Variants in RPH3AL observed in about 807,000 individuals in gnomAD.
The protein encoded by RPH3AL is rab effector Noc2.
Under a neutral mutation model 43.1 loss-of-function variants are expected in RPH3AL, and 38 were observed. The ratio of observed to expected loss-of-function variants is 0.88; its 90% CI spans 0.68 to 1.15. The LOEUF (loss-of-function observed/expected upper bound fraction) is 1.15. Among genes scored for constraint, RPH3AL ranks in the 50% most tolerant of loss-of-function variants. RPH3AL has a pLI of 0.00. For missense variants in RPH3AL, 462 were observed against 423.2 expected (o/e 1.09, Z -0.81); for synonymous variants, 189 against 176.3 (o/e 1.07, Z -0.57).
In RPH3AL at chr17:321,298, G is replaced by A. The variant is rs746470715; in HGVS notation, c.195C>T (p.Leu65=). ...CGATTCTCTGCTGCTCCAGGACGTCGAGCCGCTCTGCCCTCTGGATGACCT... is the reference window on the plus strand; with the variant it reads ...CGATTCTCTGCTGCTCCAGGACGTCAAGCCGCTCTGCCCTCTGGATGACCT... ...ILQVIQRAER[L]DVLEQQRIGR... Residue 65 remains leucine, a synonymous_variant, in exon 4 of 10, where the codon CTC becomes CTT. Transcript: ENST00000331302. 21 of 1,609,682 alleles carry A rather than the reference G, an allele frequency of 1.3e-5. No individual in the cohort carries two copies. The highest frequency in any genetic ancestry group is 9.9e-5 in the South Asian group (9 of 91,060).
At chr17:259,541 G>T (rs2042151913) in intron 6 of RPH3AL, among the ~76,000 whole-genome samples, 1 of 152,132 alleles carries the variant, frequency 6.6e-6, no homozygotes, top group African/African-American at 2.4e-5. Flanking sequence ...AGCCCTCATG[G>T]GAATTAACCC....
In RPH3AL at chr17:229,667, C is replaced by A. The variant is rs911335956; in HGVS notation, c.614-9931G>T. The stretch of plus-strand genomic sequence containing the variant: ...CAAAAAACAGCTGAATGGGGAGGGG[C>A]TGTAGGAGGCTGCTTCCATGGCCAT... On this transcript the variant is annotated intron_variant, in intron 7 of 9. Coordinates refer to ENST00000331302, the MANE Select transcript of RPH3AL (RefSeq NM_006987.4). 1.6e-4 allele frequency among the ~76,000 whole-genome samples: 25 copies of A among 152,188 alleles called. 1 individual carries two copies. Among genetic ancestry groups the A allele is most frequent in the Non-Finnish European group, 2.9e-5 (2 of 68,022 alleles).
At chr17:345,806 G>A (rs1439309298) in intron 1 of RPH3AL, among the ~76,000 whole-genome samples, 1 of 131,682 alleles carries the variant, frequency 7.6e-6, no homozygotes, top group Admixed American at 7.2e-5. Context: ...ACACCCTGCT[G>A]AGGCAAGCGT....
At chr17:231,763 G>A (rs371664966) in intron 7 of RPH3AL, among the ~76,000 whole-genome samples, 8 of 152,370 alleles carry the variant, frequency 5.3e-5, no homozygotes, top group African/African-American at 1.7e-4. Context: ...CAAGGGGCCC[G>A]CAGATGTCAC....
At chr17:309,435 G>A (rs2043579583) in intron 5 of RPH3AL, among the ~76,000 whole-genome samples, 1 of 151,938 alleles carries the variant, frequency 6.6e-6, no homozygotes. Flanking sequence ...CCTGCTGGGG[G>A]TCCGGGATAC....
At chr17:259,766 T>C (rs1271560772) in intron 6 of RPH3AL, among the ~76,000 whole-genome samples, 1 of 152,262 alleles carries the variant, frequency 6.6e-6, no homozygotes, top group Admixed American at 6.5e-5. Context: ...CTGCTCGCCC[T>C]GCTCTGTGCT....
chr17:233,494 A>G (rs12941826), intron 7 of RPH3AL, among the ~76,000 whole-genome samples: 122,644 of 152,064 alleles, frequency 0.81, 49,877 homozygotes, highest in Non-Finnish European at 0.85. Context: ...CACCTCCATG[A>G]TCATGGCAGC....
intron 5 of RPH3AL, among the ~76,000 whole-genome samples, chr17:285,333 A>G (rs2042881764): frequency 6.6e-6 from 1 of 152,144 alleles, no homozygotes; most frequent in Admixed American, 6.6e-5. Flanking sequence ...GCTCCCGGGC[A>G]AGTCACCCAA....
intron 1 of RPH3AL, among the ~76,000 whole-genome samples, chr17:350,231 A>G (rs1230897103): frequency 6.6e-6 from 1 of 152,198 alleles, no homozygotes; most frequent in African/African-American, 2.4e-5. Flanking sequence ...TCACGCCTGT[A>G]ATCCTAGCAC....
chr17:316,059 C>A (rs879092716), intron 5 of RPH3AL, among the ~76,000 whole-genome samples: 7,642 of 92,886 alleles, frequency 0.082, 4 homozygotes, highest in East Asian at 0.16. Flanking sequence ...GTGACTCCAC[C>A]TCCAGTGATG....
chr17:250,260 CGCTGCGGG>C (rs2041865181), intron 6 of RPH3AL, among the ~76,000 whole-genome samples: 1 of 124,320 alleles, frequency 8.0e-6, no homozygotes, highest in Admixed American at 8.2e-5. Flanking sequence ...CAAGCTCCGT[CGCTGCGGG>C]ACCTCTCAGA....
In RPH3AL at chr17:327,489, G is replaced by A. The variant is rs946757521; in HGVS notation, c.55C>T (p.Arg19Trp). The change falls in exon 3 of 10, where the codon CGG becomes TGG. Residue 19 changes from arginine to tryptophan, a missense_variant. Arg to Trp is a moderately radical substitution (Grantham distance 101). Coordinates refer to ENST00000331302, the MANE Select transcript of RPH3AL (RefSeq NM_006987.4). Reference protein sequence around the residue: ...GNDQWVCPNDRQLALRAKLQT... With the variant: ...GNDQWVCPNDWQLALRAKLQT... ...CACTTGGCTCGAAGGGCAAGCTGCCGGTCATTGGGGCAAACCCACTGATCA... is the reference window on the plus strand; with the variant it reads ...CACTTGGCTCGAAGGGCAAGCTGCCAGTCATTGGGGCAAACCCACTGATCA... 1.9e-5 allele frequency: 30 copies of A among 1,613,834 alleles called. No homozygotes were observed. The East Asian group carries it at 2.0e-4, about 11-fold the overall frequency.
chr17:346,621 G>C (rs1191375398), intron 1 of RPH3AL, among the ~76,000 whole-genome samples: 1 of 135,092 alleles, frequency 7.4e-6, no homozygotes, highest in African/African-American at 2.5e-5. Context: ...TGCAAGATGA[G>C]ATTTGGGTGG....
At chr17:244,757 TAATTA>T (rs1470700776) in intron 7 of RPH3AL, among the ~76,000 whole-genome samples, 1 of 152,052 alleles carries the variant, frequency 6.6e-6, no homozygotes, top group East Asian at 1.9e-4. Flanking sequence ...ATCTTTTAAT[TAATTA>T]AAAGGCCAAG....
At chr17:267,296 G>C (rs1007451763) in intron 6 of RPH3AL, among the ~76,000 whole-genome samples, 5 of 152,228 alleles carry the variant, frequency 3.3e-5, no homozygotes, top group African/African-American at 1.2e-4. Flanking sequence ...CAGTACTGAG[G>C]CTGCTCTGAC....
At chr17:331,898 C>G (rs1187052741) in intron 2 of RPH3AL, 1 of 1,284,280 alleles carries the variant, frequency 7.8e-7, no homozygotes, top group Non-Finnish European at 1.0e-6. Flanking sequence ...AAAAATTAAA[C>G]TGATGAGGGA....
In RPH3AL at chr17:246,421, G is replaced by A. The variant is rs924968619; in HGVS notation, c.613+690C>T. ...ATCCCAGCTCGGCCACACACCTGCC[G>A]AGGAAGTCCCTCCTCTTCTCTGAGC... On this transcript the variant is annotated intron_variant, in intron 7 of 9. Transcript: ENST00000331302. This position sits in a 1 kb window ranked among gnomAD's most constrained non-coding sequence, Gnocchi z 4.8. Among the ~76,000 whole-genome samples the A allele has an allele frequency of 7.9e-5, 12 of 152,266 alleles. No individual in the cohort carries two copies. In the South Asian group the frequency reaches 1.5e-3, roughly 18 times the overall value.
At position 213,472 on chromosome 17, in the gene RPH3AL, T is replaced by G. The variant is rs2040719008; in HGVS notation, c.*380A>C. ...GCCGTGCCCTAGGTTTCATTTAGTCTTGCCATTAATATAGCAACGGAGATA... is the reference window on the plus strand; with the variant it reads ...GCCGTGCCCTAGGTTTCATTTAGTCGTGCCATTAATATAGCAACGGAGATA... On this transcript the variant is annotated 3_prime_UTR_variant, in exon 10 of 10. Transcript: ENST00000331302. 2 of 311,018 alleles carry G rather than the reference T, an allele frequency of 6.4e-6. No individual in the cohort carries two copies. The highest frequency in any genetic ancestry group is 1.2e-5 in the Non-Finnish European group (2 of 163,180). 19.3% of individuals were successfully genotyped at this position (311,018 alleles called of 1,614,324 possible). A position where few individuals can be genotyped will look rare whatever the true frequency, so the allele number is the denominator to read the frequency against.
intron 5 of RPH3AL, among the ~76,000 whole-genome samples, chr17:307,295 TCCCA>T (rs2043521338): frequency 2.1e-5 from 2 of 96,914 alleles, no homozygotes; most frequent in Admixed American, 2.1e-4. Flanking sequence ...GGCAGGTCCA[TCCCA>T]CGGCAGGTCC....
Sources: allele counts gnomAD v4.1 joint callset (sites outside exome capture counted in the v4.1 genomes callset), GRCh38; gene constraint gnomAD v4.1.1; non-coding constraint Gnocchi (gnomAD v3.1); transcripts MANE v1.5; gene names NCBI Gene and HGNC (gene_info 2026-07-23, HGNC 2026-07-21).